Variants in CACUL1 observed in about 807,000 individuals in gnomAD.
CACUL1 encodes the protein CDK2 associated cullin domain 1.
Under a neutral mutation model 45.2 loss-of-function variants are expected in CACUL1, and 13 were observed. The ratio of observed to expected loss-of-function variants is 0.29; its 90% confidence interval spans 0.19 to 0.46. CACUL1 has a LOEUF of 0.46. Among genes scored for constraint, CACUL1 ranks in the 20% least tolerant of loss-of-function variants. CACUL1 has a pLI of 1.00. For missense variants in CACUL1, 421 were observed against 471.4 expected, an observed-to-expected ratio of 0.89 and a Z score of 0.99; for synonymous variants, 197 against 174.2, an observed-to-expected ratio of 1.13 and a Z score of -1.03.
chr10:118,696,635 A>G (rs983332734), intron 5 of CACUL1, among the ~76,000 whole-genome samples: 18 of 152,310 alleles, frequency 1.2e-4, no homozygotes, highest in African/African-American at 3.8e-4. Context: ...ACAGCGAGAC[A>G]CTATCTAATA....
intron 1 of CACUL1, among the ~76,000 whole-genome samples, chr10:118,739,711 T>C (rs1202637630): frequency 6.6e-6 from 1 of 152,208 alleles, no homozygotes; most frequent in Admixed American, 6.5e-5. Context: ...GAGTGGCAAC[T>C]ATGCACTGGC....
intron 6 of CACUL1, chr10:118,693,140 A>T (rs992216282): frequency 7.9e-5 from 12 of 152,274 alleles, no homozygotes; most frequent in African/African-American, 2.4e-4. Flanking sequence ...ATGGTAAGTC[A>T]TGAGAATCTC....
intron 1 of CACUL1, among the ~76,000 whole-genome samples, chr10:118,739,454 T>A (rs1845771835): frequency 6.6e-6 from 1 of 152,206 alleles, no homozygotes; most frequent in Non-Finnish European, 1.5e-5. Flanking sequence ...TTCTCCATTT[T>A]AATATGCGTG....
chr10:118,719,841 T>C (rs1429299173), intron 3 of CACUL1, among the ~76,000 whole-genome samples: 3 of 151,784 alleles, frequency 2.0e-5, no homozygotes, highest in East Asian at 1.9e-4. Flanking sequence ...TCTTTCCAAA[T>C]AGACAAACAT....
intron 1 of CACUL1, among the ~76,000 whole-genome samples, chr10:118,743,072 T>C (rs2119671127): frequency 6.6e-6 from 1 of 152,242 alleles, no homozygotes; most frequent in South Asian, 2.1e-4. Flanking sequence ...TAAAAACAGT[T>C]GGAACTCTCA....
At chr10:118,717,699 A>G (rs1471719259) in intron 3 of CACUL1, among the ~76,000 whole-genome samples, 1 of 152,214 alleles carries the variant, frequency 6.6e-6, no homozygotes, top group Non-Finnish European at 1.5e-5. Context: ...AATTGTAATG[A>G]ATCATTAAAG....
chr10:118,752,727 G>A lies in CACUL1; in HGVS notation c.367+1669C>T, dbSNP rs79221029. On this transcript the variant is annotated intron_variant, in intron 1 of 8. Transcript: ENST00000369151. ...TTAAAGTATGGTGGAACTCATCAGC[G>A]TATCTGGATGCAGAGCTTCTAAAAA... is the stretch of plus-strand genomic sequence containing the variant. Among the ~76,000 whole-genome samples the A allele has an allele frequency of 2.6e-3, 398 of 152,276 alleles. 1 individual carries two copies. Among genetic ancestry groups the A allele is most frequent in the Non-Finnish European group, 4.0e-3 (272 of 68,022 alleles).
intron 1 of CACUL1, among the ~76,000 whole-genome samples, chr10:118,753,009 G>A (rs1353807291): frequency 2.0e-5 from 3 of 151,766 alleles, no homozygotes; most frequent in East Asian, 3.9e-4. Flanking sequence ...ATAATCTTTT[G>A]GTGTGACAAA....
At chr10:118,718,317 GGT>G (rs1845565956) in intron 3 of CACUL1, among the ~76,000 whole-genome samples, 1 of 152,166 alleles carries the variant, frequency 6.6e-6, no homozygotes, top group African/African-American at 2.4e-5. Flanking sequence ...GTTGCCACAG[GGT>G]GTGTGGGGGG....
chr10:118,722,992 G>A (rs1015304016), intron 3 of CACUL1, among the ~76,000 whole-genome samples: 49 of 152,310 alleles, frequency 3.2e-4, no homozygotes, highest in African/African-American at 1.2e-3. Context: ...GTAGGTATGA[G>A]TGCAGAACTG....
chr10:118,746,446 A>T (rs1372123112), intron 1 of CACUL1, among the ~76,000 whole-genome samples: 1 of 152,246 alleles, frequency 6.6e-6, no homozygotes, highest in Non-Finnish European at 1.5e-5. Flanking sequence ...CACACTATAC[A>T]GACATCAACT....
intron 1 of CACUL1, among the ~76,000 whole-genome samples, chr10:118,752,046 C>G (rs1178081765): frequency 1.3e-5 from 2 of 152,140 alleles, no homozygotes; most frequent in Non-Finnish European, 2.9e-5. Context: ...TCCTGCTAAA[C>G]TCTTACTAGT....
At position 118,754,459 on chromosome 10, in the gene CACUL1, T is replaced by TGGCCACGGCGGCGGCCGCGTC. The variant is rs1845933563; in HGVS notation, c.283_303dup (p.Asp95_Ala101dup). On this transcript the variant is annotated inframe_insertion, in exon 1 of 9. Coordinates refer to ENST00000369151, the MANE Select transcript of CACUL1 (RefSeq NM_153810.5). ...CTGGCGGTGGGGGCGGGGGCCGCCT[T>TGGCCACGGCGGCGGCCGCGTC]GGCCACGGCGGCGGCCGCGTCGCAG... 1 of 1,602,024 alleles carries TGGCCACGGCGGCGGCCGCGTC rather than the reference T, an allele frequency of 6.2e-7. No individual in the cohort carries two copies.
Position 118,692,280 on chromosome 10 carries a change from T to G in CACUL1, c.887-877A>C, listed in dbSNP as rs879572137. 200 of 149,980 alleles carry G rather than the reference T, an allele frequency of 1.3e-3. 1 individual carries two copies. Among genetic ancestry groups the G allele is most frequent in the Middle Eastern group, 7.0e-3 (2 of 286 alleles). The allele number at this position is 149,980 out of a possible 1,614,324, so 9.3% of individuals were successfully genotyped here. A position where few individuals can be genotyped will look rare whatever the true frequency, so the allele number is the denominator to read the frequency against. On this transcript the variant is annotated intron_variant, in intron 6 of 8. Transcript: ENST00000369151. ...ATATAAACAACAGTAAAAAAAAAAG[T>G]GGTTATCAAATCATTTTTTAAAAGC...
intron 1 of CACUL1, among the ~76,000 whole-genome samples, chr10:118,742,787 C>T (rs1436064215): frequency 6.6e-6 from 1 of 152,052 alleles, no homozygotes; most frequent in Non-Finnish European, 1.5e-5. Context: ...ATCAGATTTC[C>T]CAAGGGAACA....
chr10:118,676,839 TACACACACACACACACACAC>T lies in CACUL1; in HGVS notation c.*9269_*9288del, dbSNP rs55641894. 6.7e-6 allele frequency: 1 copy of T among 149,834 alleles called. No homozygotes were observed. The highest frequency in any genetic ancestry group is 1.5e-5 in the Non-Finnish European group (1 of 67,538). The allele number at this position is 149,834 out of a possible 1,614,324, so 9.3% of individuals were successfully genotyped here. A position where few individuals can be genotyped will look rare whatever the true frequency, so the allele number is the denominator to read the frequency against. On this transcript the variant is annotated 3_prime_UTR_variant, in exon 9 of 9. Coordinates refer to ENST00000369151, the MANE Select transcript of CACUL1 (RefSeq NM_153810.5). ...ACATTTTAAAATATATATGTCTATG[TACACACACACACACACACAC>T]ACACACACACACACTGGGGTGTGCA...
At position 118,681,490 on chromosome 10, in the gene CACUL1, C is replaced by A. The variant is rs1488177076; in HGVS notation, c.*4638G>T. The A allele has an allele frequency of 1.3e-5, 2 of 152,296 alleles. No homozygotes were observed. The highest frequency in any genetic ancestry group is 3.9e-4 in the East Asian group (2 of 5,184). The allele number at this position is 152,296 out of a possible 1,614,324, so 9.4% of individuals were successfully genotyped here. A position where few individuals can be genotyped will look rare whatever the true frequency, so the allele number is the denominator to read the frequency against. The stretch of plus-strand genomic sequence containing the variant: ...TAGTGCATTTAGTACATAGTCACAA[C>A]ATTGAAATGACGTGAGAATCAATAC... On this transcript the variant is annotated 3_prime_UTR_variant, in exon 9 of 9. Transcript: ENST00000369151.
intron 1 of CACUL1, among the ~76,000 whole-genome samples, chr10:118,730,737 C>T (rs914170760): frequency 1.3e-5 from 2 of 152,112 alleles, no homozygotes; most frequent in Admixed American, 6.5e-5. Flanking sequence ...CATGCTCTGA[C>T]CCTCAAATAC....
rs1044574113 is a variant in CACUL1 at position 118,681,021 on chromosome 10, A to G, written c.*5107T>C. 4 of 152,236 alleles carry G rather than the reference A, an allele frequency of 2.6e-5. No homozygotes were observed. Among genetic ancestry groups the G allele is most frequent in the East Asian group, 3.9e-4 (2 of 5,194 alleles). The allele number at this position is 152,236 out of a possible 1,614,324, so 9.4% of individuals were successfully genotyped here. A position where few individuals can be genotyped will look rare whatever the true frequency, so the allele number is the denominator to read the frequency against. ...TACAAGATTTATTTCATTTACCACA[A>G]TGTTTTAGAGTGAAAGTATATGCCC... On this transcript the variant is annotated 3_prime_UTR_variant, in exon 9 of 9. Coordinates refer to ENST00000369151, the MANE Select transcript of CACUL1 (RefSeq NM_153810.5).
Sources: allele counts gnomAD v4.1 joint callset (sites outside exome capture counted in the v4.1 genomes callset), GRCh38; gene constraint gnomAD v4.1.1; transcripts MANE v1.5; gene names NCBI Gene and HGNC (gene_info 2026-07-23, HGNC 2026-07-21).